HM13: variants seen among roughly 807,000 people sequenced by gnomAD.
HM13 encodes signal peptide peptidase.
HM13 carries 18 observed loss-of-function variants against 50.0 expected under a neutral mutation model. The observed-to-expected ratio is 0.36, with a 90% CI of 0.25 to 0.53. HM13 has a LOEUF of 0.53. Among genes scored for constraint, HM13 ranks in the 20% least tolerant of loss-of-function variants. HM13 has a pLI of 0.90. For missense variants in HM13, 393 were observed against 552.4 expected (o/e 0.71, Z 2.89); for synonymous variants, 197 against 232.6 (o/e 0.85, Z 1.39).
At chr20:31,540,104 C>T (rs1339548300) in intron 3 of HM13, 1 of 152,350 alleles carries the variant, frequency 6.6e-6, no homozygotes, top group East Asian at 1.9e-4. Context: ...ACAGCTGAGA[C>T]TTCACCTCTG....
At chr20:31,530,714 C>G (rs576812161) in intron 2 of HM13, among the ~76,000 whole-genome samples, 44 of 152,220 alleles carry the variant, frequency 2.9e-4, no homozygotes, top group Middle Eastern at 3.4e-3. Context: ...CAGCCTCTTT[C>G]ATTCTTTTTA....
chr20:31,566,168 G>A, intron 10 of HM13, 42 bp from the exon 11 acceptor site: 1 of 1,531,506 alleles, frequency 6.5e-7, no homozygotes, highest in South Asian at 1.1e-5. Context: ...CTGAGGCAGT[G>A]CCGTGCCCAG....
Position 31,514,675 on chromosome 20 carries a change from A to C in HM13, c.124A>C (p.Met42Leu). Residue 42 changes from methionine (M) to leucine (L), a missense_variant, in exon 1 of 13, where the codon ATG becomes CTG. This residue lies in a region of HM13 where 214 missense variants were observed against 276.1 expected (regional missense o/e 0.77). Transcript: ENST00000398174. The surrounding 1 kb of genome is among the most constrained non-coding windows in gnomAD (Gnocchi z 4.3). The stretch of plus-strand genomic sequence containing the variant: ...GCTGGCCTACGGCAGCCTCCTGCTC[A>C]TGGCGCTGCTGCCCATCTTCTTCGG... ...IALAYGSLLL[M>L]ALLPIFFGAL... is the part of the protein sequence containing the mutation. The C allele has an allele frequency of 4.5e-6, 7 of 1,558,550 alleles. No homozygotes were observed. The highest frequency in any genetic ancestry group is 6.1e-6 in the Non-Finnish European group (7 of 1,152,034).
chr20:31,566,554 T>G (rs1984926962), intron 11 of HM13, among the ~76,000 whole-genome samples: 1 of 152,102 alleles, frequency 6.6e-6, no homozygotes, highest in Non-Finnish European at 1.5e-5. Flanking sequence ...AGCTGGATCT[T>G]AAGAATAGCT....
intron 6 of HM13, 66 bp from the exon 7 acceptor site, chr20:31,549,998 G>A (rs1983944891): frequency 2.5e-6 from 3 of 1,191,408 alleles, no homozygotes; most frequent in Non-Finnish European, 3.8e-6. Context: ...AGAAGCCCAG[G>A]GACAGCCATT....
chr20:31,567,089 C>T (rs1252074761), intron 11 of HM13, among the ~76,000 whole-genome samples: 1 of 152,148 alleles, frequency 6.6e-6, no homozygotes, highest in Non-Finnish European at 1.5e-5. Context: ...ACCCCTCCCC[C>T]GGACCTGCCT....
chr20:31,555,466 C>T (rs902743711), intron 8 of HM13, among the ~76,000 whole-genome samples: 4 of 152,142 alleles, frequency 2.6e-5, no homozygotes, highest in African/African-American at 7.2e-5. Flanking sequence ...AGCAGGATAG[C>T]ACATCCTGCG....
chr20:31,536,230 G>A (rs1472956161), intron 2 of HM13, among the ~76,000 whole-genome samples: 4 of 152,218 alleles, frequency 2.6e-5, no homozygotes, highest in Non-Finnish European at 5.9e-5. Context: ...GGGCATGGTG[G>A]TGCATGCTTG....
intron 7 of HM13, among the ~76,000 whole-genome samples, chr20:31,551,039 A>G (rs1984012301): frequency 6.6e-6 from 1 of 152,210 alleles, no homozygotes; most frequent in Admixed American, 6.5e-5. Flanking sequence ...CCTTCAAGCT[A>G]TTATGTATAA....
chr20:31,540,626 T>C (rs1223531495), intron 3 of HM13: 1 of 146,408 alleles, frequency 6.8e-6, no homozygotes, highest in Non-Finnish European at 1.6e-5. Context: ...CACCAAAGAC[T>C]TTTTTTCCCT....
At chr20:31,556,910 TCG>T (rs1162899530) in intron 8 of HM13, among the ~76,000 whole-genome samples, 1 of 151,012 alleles carries the variant, frequency 6.6e-6, no homozygotes, top group African/African-American at 2.4e-5. Flanking sequence ...TCCCAGCTAC[TCG>T]GGAGGCTGAG....
chr20:31,559,175 C>T (rs1984473283), intron 8 of HM13, among the ~76,000 whole-genome samples: 1 of 152,216 alleles, frequency 6.6e-6, no homozygotes, highest in African/African-American at 2.4e-5. Flanking sequence ...CTCTGCCTTC[C>T]AAAGTGGAAG....
intron 11 of HM13, among the ~76,000 whole-genome samples, chr20:31,567,278 A>C (rs909628651): frequency 1.3e-5 from 2 of 150,144 alleles, no homozygotes; most frequent in South Asian, 4.2e-4. Context: ...CCCATCCTTC[A>C]CCCTCCCTCT....
intron 4 of HM13, among the ~76,000 whole-genome samples, chr20:31,546,044 C>CTTT (rs35862306): frequency 1.1e-4 from 11 of 103,210 alleles, no homozygotes; most frequent in South Asian, 2.8e-4. Flanking sequence ...AAATCTAGCA[C>CTTT]TTTTTTTTTT....
At chr20:31,555,927 G>A (rs1228987626) in intron 8 of HM13, among the ~76,000 whole-genome samples, 1 of 151,740 alleles carries the variant, frequency 6.6e-6, no homozygotes, top group Non-Finnish European at 1.5e-5. Flanking sequence ...CTATGATTGT[G>A]CCACTGCACT....
chr20:31,537,631 C>T (rs933430477), intron 2 of HM13, among the ~76,000 whole-genome samples: 6 of 152,168 alleles, frequency 3.9e-5, no homozygotes, highest in Admixed American at 2.0e-4. Context: ...CACCTAACGA[C>T]GAAAAGACCA....
intron 7 of HM13, among the ~76,000 whole-genome samples, chr20:31,551,561 A>T (rs905334040): frequency 2.0e-5 from 3 of 152,240 alleles, no homozygotes; most frequent in African/African-American, 7.2e-5. Context: ...TGATTGGCTT[A>T]GAGTTTAAGC....
intron 2 of HM13, among the ~76,000 whole-genome samples, chr20:31,533,204 C>T (rs1406632611): frequency 6.6e-6 from 1 of 152,178 alleles, no homozygotes; most frequent in Non-Finnish European, 1.5e-5. Flanking sequence ...CTGCATTGAA[C>T]ATTTTTAAAA....
Position 31,561,753 on chromosome 20 carries a change from C to G in HM13, c.948+17C>G. On this transcript the variant is annotated intron_variant, in intron 10 of 12. Transcript: ENST00000398174. ...CATGCTCAGGTGGGCAGGACGGTAT[C>G]AGAGTGTCAGGAATGCCTCACTGCA... 6.5e-7 allele frequency: 1 copy of G among 1,536,812 alleles called. No homozygotes were observed. The highest frequency in any genetic ancestry group is 9.0e-7 in the Non-Finnish European group (1 of 1,109,546).
Sources: gnomAD v4.1 joint callset for allele counts (sites outside exome capture counted in the v4.1 genomes callset) on GRCh38, gnomAD v4.1.1 for gene constraint, gnomAD v4.1.1 regional missense constraint, Gnocchi (gnomAD v3.1) non-coding constraint, MANE v1.5 for transcripts, NCBI Gene and HGNC (gene_info 2026-07-23, HGNC 2026-07-21) for gene names.